TAOK3: variants seen among roughly 807,000 people sequenced by gnomAD.
The protein encoded by TAOK3 is TAO kinase 3, also known as serine/threonine-protein kinase TAO3.
TAOK3 carries 40 observed loss-of-function variants against 120.4 expected under a neutral mutation model. That is an observed-to-expected ratio of 0.33 (90% CI 0.26 to 0.43). The LOEUF is 0.43. Among genes scored for constraint, TAOK3 ranks in the 20% least tolerant of loss-of-function variants. The pLI, the probability that TAOK3 is intolerant of heterozygous loss-of-function variation, is 1.00. For synonymous variants in TAOK3, 355 were observed against 387.5 expected, an observed-to-expected ratio of 0.92 and a Z score of 0.99; for missense variants, 821 against 1,112.1, an observed-to-expected ratio of 0.74 and a Z score of 3.72.
intron 13 of TAOK3, 200 bp from the exon 14 acceptor site, chr12:118,190,141 T>C: frequency 3.4e-6 from 2 of 583,588 alleles, no homozygotes; most frequent in South Asian, 2.8e-5. Flanking sequence ...AGCTGATCGC[T>C]AGTGGGATGC....
At chr12:118,325,042 G>A (rs2043880782) in intron 1 of TAOK3, among the ~76,000 whole-genome samples, 1 of 152,018 alleles carries the variant, frequency 6.6e-6, no homozygotes, top group South Asian at 2.1e-4. Flanking sequence ...CACCGCGCCC[G>A]GCCCTAGAAT....
At chr12:118,315,056 G>A (rs2043402920) in intron 1 of TAOK3, among the ~76,000 whole-genome samples, 1 of 151,746 alleles carries the variant, frequency 6.6e-6, no homozygotes, top group African/African-American at 2.4e-5. Flanking sequence ...TCAGCCTCCC[G>A]ACTAGCTGGG....
intron 9 of TAOK3, among the ~76,000 whole-genome samples, chr12:118,225,175 G>C (rs2039439439): frequency 6.6e-6 from 1 of 151,208 alleles, no homozygotes; most frequent in Non-Finnish European, 1.5e-5. Context: ...TTGAGTCCAG[G>C]GGGTGGAGGT....
At chr12:118,269,279 A>C (rs2041597934) in intron 1 of TAOK3, among the ~76,000 whole-genome samples, 1 of 151,866 alleles carries the variant, frequency 6.6e-6, no homozygotes, top group African/African-American at 2.4e-5. Context: ...CTCATGCCTC[A>C]GCCTCCTGAG....
At chr12:118,177,499 C>CAA (rs199778098) in intron 15 of TAOK3, among the ~76,000 whole-genome samples, 170 bp from the exon 16 acceptor site, 16,290 of 142,630 alleles carry the variant, frequency 0.11, 971 homozygotes, top group Middle Eastern at 0.15. Flanking sequence ...TAAAGAAACA[C>CAA]AAAAAAAAAA....
intron 1 of TAOK3, among the ~76,000 whole-genome samples, chr12:118,292,773 T>C (rs1214572046): frequency 6.6e-6 from 1 of 152,242 alleles, no homozygotes; most frequent in African/African-American, 2.4e-5. Flanking sequence ...AACTTTCTTT[T>C]CATTTTGTGC....
At chr12:118,325,234 T>G (rs530380817) in intron 1 of TAOK3, among the ~76,000 whole-genome samples, 8 of 152,236 alleles carry the variant, frequency 5.3e-5, no homozygotes, top group Non-Finnish European at 1.2e-4. Flanking sequence ...TTTTGGACTA[T>G]AACTAGGAGT....
At position 118,239,284 on chromosome 12, in the gene TAOK3, T is replaced by TA. The variant is rs1462115567; in HGVS notation, c.295-13dup. The TA allele has an allele frequency of 6.9e-7, 1 of 1,447,868 alleles. No individual in the cohort carries two copies. The highest frequency in any genetic ancestry group is 9.7e-7 in the Non-Finnish European group (1 of 1,035,048). 89.7% of individuals were successfully genotyped at this position (1,447,868 alleles called of 1,614,324 possible). On this transcript the variant is annotated splice_polypyrimidine_tract_variant and intron_variant, in intron 5 of 20. Coordinates refer to ENST00000392533, the MANE Select transcript of TAOK3 (RefSeq NM_016281.4). ...TATTCCATCACCAACTATAAGAGATTAAAATAATATTCAGAATAATGAAAG... is the reference window on the plus strand; with the variant it reads ...TATTCCATCACCAACTATAAGAGATTAAAAATAATATTCAGAATAATGAAAG...
intron 1 of TAOK3, among the ~76,000 whole-genome samples, chr12:118,300,896 C>T (rs1263150181): frequency 1.3e-5 from 2 of 152,132 alleles, no homozygotes; most frequent in African/African-American, 2.4e-5. Context: ...CTGCCTCAGA[C>T]TCTCAAGTAA....
rs78708868 is a variant in TAOK3, at chr12:118,371,537, G to A, written c.-194+1111C>T. ...ACATAATCCGGCTCCGGAGTCCCCC[G>A]GAGTCCCGGGGGCTCACACTCCACC... On this transcript the variant is annotated intron_variant, in intron 1 of 20. Coordinates refer to ENST00000392533, the MANE Select transcript of TAOK3 (RefSeq NM_016281.4). The surrounding 1 kb of genome is among the most constrained non-coding windows in gnomAD (Gnocchi z 5.5). 7.2e-6 allele frequency among the ~76,000 whole-genome samples: 1 copy of A among 139,416 alleles called. No individual in the cohort carries two copies. The highest frequency in any genetic ancestry group is 2.3e-4 in the South Asian group (1 of 4,380). 91.5% of individuals were successfully genotyped at this position (139,416 alleles called of 152,430 possible).
At chr12:118,315,712 C>A (rs1299029526) in intron 1 of TAOK3, among the ~76,000 whole-genome samples, 1 of 151,864 alleles carries the variant, frequency 6.6e-6, no homozygotes, top group Non-Finnish European at 1.5e-5. Flanking sequence ...CCTCCTCCCC[C>A]CAAAAAGGAA....
At chr12:118,281,100 G>A (rs946445263) in intron 1 of TAOK3, among the ~76,000 whole-genome samples, 1 of 152,228 alleles carries the variant, frequency 6.6e-6, no homozygotes, top group South Asian at 2.1e-4. Flanking sequence ...TTTGGGCAGA[G>A]GCTATGCGGT....
At chr12:118,226,445 A>C (rs2039511112) in intron 9 of TAOK3, among the ~76,000 whole-genome samples, 1 of 152,036 alleles carries the variant, frequency 6.6e-6, no homozygotes, top group Non-Finnish European at 1.5e-5. Flanking sequence ...GAGGCAGGAG[A>C]ATCGCTTGAA....
intron 1 of TAOK3, among the ~76,000 whole-genome samples, chr12:118,273,095 G>A (rs1345231358): frequency 6.6e-6 from 1 of 152,096 alleles, no homozygotes; most frequent in Non-Finnish European, 1.5e-5. Context: ...TAAATTTAAT[G>A]TAAGATTGAA....
intron 17 of TAOK3, among the ~76,000 whole-genome samples, chr12:118,164,777 T>C (rs1461295023): frequency 6.6e-6 from 1 of 152,194 alleles, no homozygotes; most frequent in Non-Finnish European, 1.5e-5. Flanking sequence ...GCATCCACTA[T>C]AGGAGAAAAT....
intron 2 of TAOK3, among the ~76,000 whole-genome samples, chr12:118,263,141 T>C (rs1000894656): frequency 2.0e-5 from 3 of 152,184 alleles, no homozygotes; most frequent in Admixed American, 1.3e-4. Context: ...GGCACAGAGA[T>C]AGACAAATTA....
intron 10 of TAOK3, 69 bp downstream of exon 10, chr12:118,213,943 AAATGT>A: frequency 7.7e-7 from 1 of 1,305,204 alleles, no homozygotes; most frequent in Non-Finnish European, 1.1e-6. Flanking sequence ...CAGATATTTA[AAATGT>A]AATGTAATAA....
At chr12:118,355,284 C>A (rs888769162) in intron 1 of TAOK3, among the ~76,000 whole-genome samples, 11 of 152,086 alleles carry the variant, frequency 7.2e-5, no homozygotes, top group Admixed American at 4.6e-4. Context: ...AAGACACAGT[C>A]CTAACTTTAT....
chr12:118,182,614 TATATA>T (rs1424644085), intron 14 of TAOK3, among the ~76,000 whole-genome samples: 2 of 86,262 alleles, frequency 2.3e-5, no homozygotes, highest in Admixed American at 1.2e-4. Context: ...TATATATATA[TATATA>T]TATATTTTTT....
Sources: gnomAD v4.1 joint callset for allele counts (sites outside exome capture counted in the v4.1 genomes callset) on GRCh38, gnomAD v4.1.1 for gene constraint, Gnocchi (gnomAD v3.1) non-coding constraint, MANE v1.5 for transcripts, NCBI Gene and HGNC (gene_info 2026-07-23, HGNC 2026-07-21) for gene names.